Variants in DLGAP1 observed in about 807,000 individuals in gnomAD.
The protein encoded by DLGAP1 is disks large-associated protein 1.
Under a neutral mutation model 90.8 loss-of-function variants are expected in DLGAP1, and 11 were observed. The ratio of observed to expected loss-of-function variants is 0.12; its 90% confidence interval spans 0.08 to 0.20. The LOEUF (loss-of-function observed/expected upper bound fraction) is 0.20, where lower values mean the gene tolerates loss of function less well. Ranked by LOEUF, DLGAP1 falls within the 10% of genes least tolerant of loss-of-function variation. DLGAP1 has a pLI of 1.00. For missense variants in DLGAP1, 1,050 were observed against 1,333.8 expected (o/e 0.79, Z 3.31); for synonymous variants, 558 against 540.7 (o/e 1.03, Z -0.44).
At chr18:4,296,193 T>A (rs1426172168) in intron 1 of DLGAP1, among the ~76,000 whole-genome samples, 2 of 152,212 alleles carry the variant, frequency 1.3e-5, no homozygotes, top group Non-Finnish European at 2.9e-5. Context: ...TGCCTTATTA[T>A]AATTAAGCAC....
chr18:3,555,544 C>T lies in DLGAP1; in HGVS notation c.2057+11946G>A, dbSNP rs544357739. Among the ~76,000 whole-genome samples, 4 of 152,302 alleles carry T rather than the reference C, an allele frequency of 2.6e-5. No individual in the cohort carries two copies. The South Asian group carries it at 8.3e-4, about 32-fold the overall frequency. On this transcript the variant is annotated intron_variant, in intron 9 of 12. Coordinates refer to ENST00000315677, the MANE Select transcript of DLGAP1 (RefSeq NM_004746.4). ...TGAAATTTGAGGCCGGGGGCAGTGG[C>T]TCACGTCTGTAATCCCAGCACTTTG...
At chr18:3,880,245 G>T (rs770623535) in intron 3 of DLGAP1, 105 bp from the exon 4 acceptor site, 1 of 629,352 alleles carries the variant, frequency 1.6e-6, no homozygotes, top group Non-Finnish European at 2.8e-6. Flanking sequence ...GTGCACAGGC[G>T]CCATCTCTGC....
intron 1 of DLGAP1, among the ~76,000 whole-genome samples, chr18:4,370,625 C>T (rs1341978904): frequency 1.3e-5 from 2 of 152,128 alleles, no homozygotes; most frequent in Non-Finnish European, 2.9e-5. Context: ...TCTTCCCCTC[C>T]AGAGGGATGT....
chr18:3,643,662 C>CAA (rs538678987), intron 7 of DLGAP1, among the ~76,000 whole-genome samples: 5,997 of 63,806 alleles, frequency 0.094, 568 homozygotes, highest in African/African-American at 0.21. Context: ...GACTCCATCT[C>CAA]AAAAAAAAAA....
chr18:4,144,726 T>C (rs1881175570), intron 2 of DLGAP1, among the ~76,000 whole-genome samples: 1 of 152,224 alleles, frequency 6.6e-6, no homozygotes. Context: ...GTCTATTTTT[T>C]AACACGGTAT....
intron 3 of DLGAP1, among the ~76,000 whole-genome samples, chr18:3,895,322 T>A (rs978047495): frequency 8.9e-4 from 68 of 76,236 alleles, no homozygotes; most frequent in Middle Eastern, 6.8e-3. Context: ...CACACACACA[T>A]CATCATCATC....
intron 1 of DLGAP1, among the ~76,000 whole-genome samples, chr18:4,154,469 G>A (rs2076723300): frequency 6.6e-6 from 1 of 152,040 alleles, no homozygotes; most frequent in Admixed American, 6.6e-5. Context: ...CATTTTATGT[G>A]TGTTACTCTA....
intron 1 of DLGAP1, among the ~76,000 whole-genome samples, chr18:4,164,844 TA>T (rs1253370919): frequency 5.9e-4 from 89 of 151,988 alleles, no homozygotes; most frequent in Non-Finnish European, 3.1e-4. Flanking sequence ...AAAACATAAT[TA>T]TTTTTAAAAA....
chr18:4,374,514 G>A (rs1440061317), intron 1 of DLGAP1, among the ~76,000 whole-genome samples: 2 of 151,998 alleles, frequency 1.3e-5, no homozygotes, highest in Admixed American at 6.6e-5. Flanking sequence ...CAGGATTATG[G>A]CTATACAAGA....
At chr18:4,379,792 C>G (rs1457883978) in intron 1 of DLGAP1, among the ~76,000 whole-genome samples, 1 of 152,112 alleles carries the variant, frequency 6.6e-6, no homozygotes, top group African/African-American at 2.4e-5. Context: ...ATAACTGAAT[C>G]TCACTCAACT....
chr18:3,576,346 G>A (rs1209302204), intron 8 of DLGAP1, among the ~76,000 whole-genome samples: 2 of 149,490 alleles, frequency 1.3e-5, no homozygotes, highest in African/African-American at 2.5e-5. Context: ...TGCAACCTCC[G>A]CCTGCAGGGT....
chr18:3,681,918 G>A (rs1186017374), intron 7 of DLGAP1, among the ~76,000 whole-genome samples: 1 of 152,016 alleles, frequency 6.6e-6, no homozygotes, highest in Non-Finnish European at 1.5e-5. Flanking sequence ...AGAAGGTTGA[G>A]ACCAGCCTGG....
intron 7 of DLGAP1, among the ~76,000 whole-genome samples, chr18:3,714,477 A>G (rs1380211047): frequency 6.6e-6 from 1 of 152,154 alleles, no homozygotes; most frequent in East Asian, 1.9e-4. Flanking sequence ...GGCTCTGGAT[A>G]ACACGTACAG....
At chr18:4,051,990 G>C (rs969818222) in intron 2 of DLGAP1, among the ~76,000 whole-genome samples, 1 of 152,214 alleles carries the variant, frequency 6.6e-6, no homozygotes, top group African/African-American at 2.4e-5. Flanking sequence ...TCCAGGTCAC[G>C]GTGATGAAAG....
At chr18:3,690,774 C>T (rs1456006934) in intron 7 of DLGAP1, among the ~76,000 whole-genome samples, 4 of 152,134 alleles carry the variant, frequency 2.6e-5, no homozygotes, top group Non-Finnish European at 1.5e-5. Flanking sequence ...TTTCCTCCAG[C>T]TTCCTAATTT....
rs568514773 is a variant in DLGAP1 at position 4,325,609 on chromosome 18, A to G, written c.-267+129397T>C. On this transcript the variant is annotated intron_variant, in intron 1 of 12. Coordinates refer to ENST00000315677, the MANE Select transcript of DLGAP1 (RefSeq NM_004746.4). Reference sequence around the variant, plus strand: ...TGGAGGTATCATATTACCCAACTTCAAACTATACTATAGGGCTAGAGTAAC... The same window carrying G: ...TGGAGGTATCATATTACCCAACTTCGAACTATACTATAGGGCTAGAGTAAC... Among the ~76,000 whole-genome samples the G allele has an allele frequency of 4.3e-4, 65 of 152,358 alleles. 1 individual carries two copies. Among genetic ancestry groups the G allele is most frequent in the South Asian group, 3.7e-3 (18 of 4,832 alleles).
At chr18:3,524,554 A>G (rs2051477703) in intron 10 of DLGAP1, among the ~76,000 whole-genome samples, 1 of 152,228 alleles carries the variant, frequency 6.6e-6, no homozygotes, top group Non-Finnish European at 1.5e-5. Context: ...ATTCAATAGC[A>G]TATAAACCTC....
At chr18:3,804,413 C>T (rs2066472331) in intron 5 of DLGAP1, among the ~76,000 whole-genome samples, 1 of 152,150 alleles carries the variant, frequency 6.6e-6, no homozygotes, top group African/African-American at 2.4e-5. Context: ...ACTGGGATTC[C>T]CCAGATGAAC....
intron 8 of DLGAP1, chr18:3,580,204 A>G (rs2055407082): frequency 1.2e-5 from 18 of 1,561,598 alleles, no homozygotes; most frequent in Non-Finnish European, 1.5e-5. Flanking sequence ...CCAAAGTCAA[A>G]CCTCCGGGTG....
Sources: allele counts gnomAD v4.1 joint callset (sites outside exome capture counted in the v4.1 genomes callset), GRCh38; gene constraint gnomAD v4.1.1; transcripts MANE v1.5; gene names NCBI Gene and HGNC (gene_info 2026-07-23, HGNC 2026-07-21).